The following BNC2 variants were observed in gnomAD, a reference collection of about 807,000 sequenced individuals.
The protein encoded by BNC2 is basonuclin zinc finger protein 2.
Under a neutral mutation model 76.3 loss-of-function variants are expected in BNC2, and 20 were observed. That is an observed-to-expected ratio of 0.26 (90% CI 0.18 to 0.38). The LOEUF (loss-of-function observed/expected upper bound fraction) is 0.38. Among genes scored for constraint, BNC2 ranks in the 10% least tolerant of loss-of-function variants. The pLI is 1.00. For synonymous variants in BNC2, 582 were observed against 514.8 expected (o/e 1.13, Z -1.77); for missense variants, 1,382 against 1,399.8 (o/e 0.99, Z 0.20).
intron 5 of BNC2, among the ~76,000 whole-genome samples, chr9:16,462,037 G>A (rs1234353861): frequency 2.6e-5 from 4 of 152,114 alleles, no homozygotes; most frequent in African/African-American, 4.8e-5. Flanking sequence ...GATGAATCCA[G>A]AGCCGCCTGC....
chr9:16,632,862 C>T (rs901822830), intron 3 of BNC2, among the ~76,000 whole-genome samples: 1 of 152,090 alleles, frequency 6.6e-6, no homozygotes, highest in Non-Finnish European at 1.5e-5. Flanking sequence ...TCAATAATTC[C>T]TAAAGCAATA....
intron 1 of BNC2, among the ~76,000 whole-genome samples, chr9:16,815,065 T>C (rs1446585285): frequency 2.6e-5 from 4 of 152,154 alleles, no homozygotes; most frequent in South Asian, 2.1e-4. Flanking sequence ...AATAATGATA[T>C]ATAATCAGCA....
At chr9:16,818,687 A>G (rs771589105) in intron 1 of BNC2, among the ~76,000 whole-genome samples, 54 of 151,438 alleles carry the variant, frequency 3.6e-4, no homozygotes, top group Non-Finnish European at 6.3e-4. Context: ...AAGAGTCTGA[A>G]CTAGTTTTTA....
intron 4 of BNC2, among the ~76,000 whole-genome samples, chr9:16,557,171 C>T (rs1261956983): frequency 6.6e-6 from 1 of 152,078 alleles, no homozygotes. Context: ...GCCTAACCAT[C>T]TGCTGATGTG....
chr9:16,460,172 T>C (rs1364682796), intron 5 of BNC2, among the ~76,000 whole-genome samples: 3 of 152,066 alleles, frequency 2.0e-5, no homozygotes, highest in Admixed American at 6.6e-5. Context: ...ACAAGAGCAA[T>C]AGTACATCAT....
In BNC2 at chr9:16,738,365, T is replaced by C. The variant is rs1824740436; in HGVS notation, c.124A>G (p.Ile42Val). ...VPCCGVDTSQ[I>V]ESEEAEVDVR... is the part of the protein sequence containing the mutation. ...GAAAAAAAAAACCAACATACCTCAA[T>C]TTGAGATGTATCAACCCCACAACAT... Residue 42 changes from isoleucine to valine, a missense_variant, in exon 2 of 7, where the codon ATT becomes GTT. Transcript: ENST00000380672. 1 of 1,613,922 alleles carries C rather than the reference T, an allele frequency of 6.2e-7. No homozygotes were observed. The highest frequency in any genetic ancestry group is 8.5e-7 in the Non-Finnish European group (1 of 1,179,920).
intron 5 of BNC2, among the ~76,000 whole-genome samples, chr9:16,529,943 G>T (rs1563826895): frequency 6.6e-6 from 1 of 152,120 alleles, no homozygotes; most frequent in Admixed American, 6.6e-5. Context: ...CTGCCTCCCA[G>T]GCTCAACCGA....
At chr9:16,688,014 G>A (rs189776215) in intron 3 of BNC2, among the ~76,000 whole-genome samples, 1,851 of 152,224 alleles carry the variant, frequency 0.012, 24 homozygotes, top group South Asian at 0.03. Context: ...AACTTAGAGT[G>A]CTAGGATTTC....
rs1197972512 is a variant in BNC2, at chr9:16,583,031, T to C, written c.385A>G (p.Ile129Val). 2.5e-6 allele frequency: 4 copies of C among 1,614,086 alleles called. No individual in the cohort carries two copies. The highest frequency in any genetic ancestry group is 3.4e-6 in the Non-Finnish European group (4 of 1,179,986). ...CACTGATCACAAGTCCTCAGGTTAA[T>C]CTTCCCTGGCTGAAAACATTCACAT... is the stretch of plus-strand genomic sequence containing the variant. ...CTCECFQPGK[I>V]NLRTCDQCKH... Residue 129 changes from isoleucine (I) to valine (V), a missense_variant, in exon 4 of 7, where the codon ATT becomes GTT. Physicochemically the swap from Ile to Val is conservative, Grantham distance 29. Coordinates refer to ENST00000380672, the MANE Select transcript of BNC2 (RefSeq NM_017637.6).
chr9:16,791,143 G>A (rs532475880), intron 1 of BNC2, among the ~76,000 whole-genome samples: 23 of 151,906 alleles, frequency 1.5e-4, no homozygotes, highest in African/African-American at 5.6e-4. Context: ...CTCACTGTAA[G>A]CTCCGCCTCC....
rs76260120 is a variant in BNC2, at chr9:16,495,814, G to A, written c.669+56716C>T. ...TCAAATCTGTAAAACTGATCCTAACGTAGGAAATGGCTGAGACTCTTAGGA... is the reference window on the plus strand; with the variant it reads ...TCAAATCTGTAAAACTGATCCTAACATAGGAAATGGCTGAGACTCTTAGGA... On this transcript the variant is annotated intron_variant, in intron 5 of 6. Coordinates refer to ENST00000380672, the MANE Select transcript of BNC2 (RefSeq NM_017637.6). Among the ~76,000 whole-genome samples the A allele has an allele frequency of 8.5e-3, 1,289 of 152,204 alleles. 20 individuals are homozygous for A. Among genetic ancestry groups the A allele is most frequent in the African/African-American group, 0.029 (1,221 of 41,516 alleles).
At chr9:16,730,366 G>A (rs1824469980) in intron 2 of BNC2, among the ~76,000 whole-genome samples, 3 of 152,138 alleles carry the variant, frequency 2.0e-5, no homozygotes, top group Admixed American at 2.0e-4. Context: ...TGTGCTCAAA[G>A]CAAGCCCAAG....
chr9:16,512,570 C>T lies in BNC2; in HGVS notation c.669+39960G>A, dbSNP rs565233943. ...ACTGAACTAACTTGTTGCATGATGA[C>T]AAAGGCACATCTAATAAAACTACTT... On this transcript the variant is annotated intron_variant, in intron 5 of 6. Transcript: ENST00000380672. 1.1e-4 allele frequency among the ~76,000 whole-genome samples: 16 copies of T among 152,208 alleles called. No homozygotes were observed. In the East Asian group the frequency reaches 3.1e-3, roughly 29 times the overall value.
intron 3 of BNC2, among the ~76,000 whole-genome samples, chr9:16,691,303 C>A (rs1302644017): frequency 6.6e-6 from 1 of 152,108 alleles, no homozygotes; most frequent in Non-Finnish European, 1.5e-5. Context: ...ACTATGGTCT[C>A]CCTCTACATT....
intron 5 of BNC2, among the ~76,000 whole-genome samples, chr9:16,549,715 C>T (rs1482640968): frequency 6.6e-6 from 1 of 152,150 alleles, no homozygotes; most frequent in Non-Finnish European, 1.5e-5. Context: ...AGCATTTTCT[C>T]ACTACAAAAG....
chr9:16,619,161 G>C (rs1452678103), intron 3 of BNC2, among the ~76,000 whole-genome samples: 1 of 152,044 alleles, frequency 6.6e-6, no homozygotes, highest in Non-Finnish European at 1.5e-5. Flanking sequence ...AGGTGACTCT[G>C]TTCAGGAGGA....
intron 3 of BNC2, among the ~76,000 whole-genome samples, chr9:16,640,618 G>C (rs1821465142): frequency 6.6e-6 from 1 of 152,144 alleles, no homozygotes; most frequent in African/African-American, 2.4e-5. Context: ...ACATATTCAA[G>C]TTTATGCAAG....
intron 2 of BNC2, among the ~76,000 whole-genome samples, chr9:16,733,057 C>T (rs1587362106): frequency 6.6e-6 from 1 of 152,136 alleles, no homozygotes; most frequent in East Asian, 1.9e-4. Flanking sequence ...ATTCATATGG[C>T]ATTAAGGTAT....
chr9:16,575,212 AAC>A (rs1172457610), intron 4 of BNC2: 1 of 967,114 alleles, frequency 1.0e-6, no homozygotes, highest in Non-Finnish European at 1.2e-6. Flanking sequence ...CGTGAATGTA[AAC>A]AGTCTCATTC....
Sources: gnomAD v4.1 joint callset for allele counts (sites outside exome capture counted in the v4.1 genomes callset) on GRCh38, gnomAD v4.1.1 for gene constraint, MANE v1.5 for transcripts, NCBI Gene and HGNC (gene_info 2026-07-23, HGNC 2026-07-21) for gene names.